Variants in SGCZ observed in about 807,000 individuals in gnomAD.
SGCZ encodes zeta-sarcoglycan.
In SGCZ, 40 loss-of-function variants were observed where a neutral mutation model predicts 41.3. The ratio of observed to expected loss-of-function variants is 0.97; its 90% CI spans 0.75 to 1.26. The LOEUF (loss-of-function observed/expected upper bound fraction) is 1.26, where lower values mean the gene tolerates loss of function less well. SGCZ is among the 50% of genes most tolerant of loss of function. The probability of loss-of-function intolerance (pLI) is 0.00; values close to 1 mark genes in which losing one functional copy is unlikely to be tolerated. For missense variants in SGCZ, 552 were observed against 369.8 expected (o/e 1.49, Z -4.04); for synonymous variants, 206 against 137.5 (o/e 1.50, Z -3.49).
intron 1 of SGCZ, among the ~76,000 whole-genome samples, chr8:15,180,924 C>T (rs1453798979): frequency 6.6e-6 from 1 of 151,568 alleles, no homozygotes; most frequent in African/African-American, 2.4e-5. Context: ...AGGATACCAG[C>T]ACATAAACTG....
At chr8:14,299,472 C>T (rs1178862720) in intron 3 of SGCZ, among the ~76,000 whole-genome samples, 1 of 151,852 alleles carries the variant, frequency 6.6e-6, no homozygotes, top group Non-Finnish European at 1.5e-5. Flanking sequence ...GTAGGAAAGA[C>T]ACAAAATCCA....
intron 1 of SGCZ, among the ~76,000 whole-genome samples, chr8:14,784,051 ATG>A (rs1181186672): frequency 6.5e-4 from 65 of 99,596 alleles, no homozygotes; most frequent in Admixed American, 3.3e-3. Context: ...ATTTAATTTA[ATG>A]TTTTTTTTTT....
At chr8:14,779,127 T>C (rs1208720625) in intron 1 of SGCZ, among the ~76,000 whole-genome samples, 1 of 152,234 alleles carries the variant, frequency 6.6e-6, no homozygotes, top group East Asian at 1.9e-4. Context: ...CCGTGATCCT[T>C]GTCTTTTGGT....
chr8:14,970,910 G>A lies in SGCZ; in HGVS notation c.39+266675C>T, dbSNP rs577173284. Among the ~76,000 whole-genome samples, 53 of 152,206 alleles carry A rather than the reference G, an allele frequency of 3.5e-4. 2 individuals are homozygous for A. The South Asian group carries it at 0.011, about 31-fold the overall frequency. On this transcript the variant is annotated intron_variant, in intron 1 of 7. Coordinates refer to ENST00000382080, the MANE Select transcript of SGCZ (RefSeq NM_139167.4). ...GGAGAACTGGCATGCTAACAATGTT[G>A]TATCTTTCCAGCCATGAATACTACA...
chr8:14,895,512 T>C (rs1563345702), intron 1 of SGCZ, among the ~76,000 whole-genome samples: 1 of 152,118 alleles, frequency 6.6e-6, no homozygotes, highest in Non-Finnish European at 1.5e-5. Flanking sequence ...AGCCTTATTA[T>C]AACATTCCCC....
chr8:14,775,077 C>G (rs994723420), intron 1 of SGCZ, among the ~76,000 whole-genome samples: 2 of 152,124 alleles, frequency 1.3e-5, no homozygotes, highest in African/African-American at 2.4e-5. Context: ...GAAAATTGCA[C>G]TAATAAAACT....
intron 1 of SGCZ, among the ~76,000 whole-genome samples, chr8:15,176,546 G>C (rs1020296085): frequency 6.6e-6 from 1 of 152,110 alleles, no homozygotes; most frequent in Non-Finnish European, 1.5e-5. Flanking sequence ...AAGAGCCATG[G>C]AAATTTGAAA....
At chr8:14,613,812 A>C (rs1416358027) in intron 1 of SGCZ, among the ~76,000 whole-genome samples, 1 of 152,164 alleles carries the variant, frequency 6.6e-6, no homozygotes, top group Admixed American at 6.5e-5. Flanking sequence ...CTTTTCAAGG[A>C]ATGAAATTGA....
intron 1 of SGCZ, among the ~76,000 whole-genome samples, chr8:14,907,091 A>T (rs1402658985): frequency 6.6e-6 from 1 of 152,190 alleles, no homozygotes; most frequent in East Asian, 1.9e-4. Flanking sequence ...TCACTGGGTC[A>T]CTGAAATGTA....
chr8:15,140,112 C>A (rs1168229987), intron 1 of SGCZ, among the ~76,000 whole-genome samples: 2 of 152,018 alleles, frequency 1.3e-5, no homozygotes, highest in Non-Finnish European at 2.9e-5. Flanking sequence ...CCATCACTCC[C>A]AGGCTCAAGC....
chr8:14,439,379 C>T (rs1800183192), intron 2 of SGCZ, among the ~76,000 whole-genome samples: 1 of 149,354 alleles, frequency 6.7e-6, no homozygotes, highest in Non-Finnish European at 1.5e-5. Flanking sequence ...AAACAATTAA[C>T]AAATTTTACA....
At chr8:15,178,313 T>A (rs143912535) in intron 1 of SGCZ, among the ~76,000 whole-genome samples, 2 of 152,258 alleles carry the variant, frequency 1.3e-5, no homozygotes, top group East Asian at 3.9e-4. Flanking sequence ...CACCTAAATA[T>A]TACAGCATTT....
At chr8:14,826,975 T>C (rs1472840607) in intron 1 of SGCZ, among the ~76,000 whole-genome samples, 2 of 152,148 alleles carry the variant, frequency 1.3e-5, no homozygotes, top group Admixed American at 6.5e-5. Flanking sequence ...TTTGTTGCCA[T>C]TGCTTTTGGT....
chr8:14,270,511 C>T (rs1800021167), intron 3 of SGCZ, among the ~76,000 whole-genome samples: 1 of 152,050 alleles, frequency 6.6e-6, no homozygotes. Flanking sequence ...AAGCTTCAGG[C>T]TAAACAGAAA....
chr8:14,527,246 A>T (rs1214463315), intron 2 of SGCZ, among the ~76,000 whole-genome samples: 2 of 152,166 alleles, frequency 1.3e-5, no homozygotes, highest in Non-Finnish European at 2.9e-5. Flanking sequence ...AGTAGATATG[A>T]TGAGGTATGT....
intron 2 of SGCZ, among the ~76,000 whole-genome samples, chr8:14,390,502 T>TTTAAA (rs1479780809): frequency 2.2e-4 from 34 of 151,862 alleles, no homozygotes; most frequent in Admixed American, 7.9e-4. Context: ...GAGGATAAAT[T>TTTAAA]CCATAAGGAA....
chr8:15,018,810 A>C (rs1213035742), intron 1 of SGCZ, among the ~76,000 whole-genome samples: 2 of 152,238 alleles, frequency 1.3e-5, no homozygotes, highest in Admixed American at 6.5e-5. Context: ...AAGAAGTTTA[A>C]TTGGCTCATG....
chr8:14,737,777 T>G (rs986548312), intron 1 of SGCZ, among the ~76,000 whole-genome samples: 1 of 152,098 alleles, frequency 6.6e-6, no homozygotes, highest in Non-Finnish European at 1.5e-5. Context: ...TCATTTTAAC[T>G]TAATCATCTC....
intron 2 of SGCZ, among the ~76,000 whole-genome samples, chr8:14,336,621 T>C (rs1269513759): frequency 1.3e-5 from 2 of 152,174 alleles, no homozygotes; most frequent in African/African-American, 4.8e-5. Flanking sequence ...GACTTTTTAA[T>C]CATAGCCATT....
Sources: gnomAD v4.1 joint callset for allele counts (sites outside exome capture counted in the v4.1 genomes callset) on GRCh38, gnomAD v4.1.1 for gene constraint, MANE v1.5 for transcripts, NCBI Gene and HGNC (gene_info 2026-07-23, HGNC 2026-07-21) for gene names.